SMC1A: variants seen among roughly 807,000 people sequenced by gnomAD.
The protein encoded by SMC1A is structural maintenance of chromosomes 1A.
In SMC1A, 4 loss-of-function variants were observed where a neutral mutation model predicts 94.5. The ratio of observed to expected loss-of-function variants is 0.04; its 90% CI spans 0.02 to 0.10. SMC1A has a LOEUF of 0.10. Ranked by LOEUF, SMC1A falls within the 10% of genes least tolerant of loss-of-function variation. The pLI is 1.00. For missense variants in SMC1A, 304 were observed against 989.0 expected (o/e 0.31, Z 9.29); for synonymous variants, 345 against 347.7 (o/e 0.99, Z 0.09).
At chrX:53,383,586 C>T (rs1248953607) in intron 19 of SMC1A, among the ~76,000 whole-genome samples, 3 of 112,604 alleles carry the variant, frequency 2.7e-5, no homozygotes. Context: ...CAGTACCAAC[C>T]CAGGGTGACC....
At chrX:53,383,354 T>C (rs782141641) in intron 19 of SMC1A, 101 bp from the exon 20 acceptor site, 2 of 812,569 alleles carry the variant, frequency 2.5e-6, no homozygotes, top group East Asian at 6.9e-5. Flanking sequence ...CGCCTGCTCC[T>C]ATACGGAGGG....
intron 12 of SMC1A, 41 bp downstream of exon 12, chrX:53,405,204 T>C (rs782472800): frequency 8.3e-7 from 1 of 1,211,937 alleles, no homozygotes; most frequent in South Asian, 1.8e-5. Flanking sequence ...GACCTAGGCT[T>C]AGGACTCCCA....
intron 18 of SMC1A, among the ~76,000 whole-genome samples, chrX:53,395,172 G>A (rs1478733838): frequency 9.0e-6 from 1 of 111,380 alleles, no homozygotes; most frequent in Non-Finnish European, 1.9e-5. Flanking sequence ...ATGAAACTCT[G>A]TCTCTACTAA....
intron 7 of SMC1A, among the ~76,000 whole-genome samples, chrX:53,410,734 G>A (rs1556890369): frequency 2.8e-5 from 3 of 106,767 alleles, no homozygotes; most frequent in African/African-American, 6.9e-5. Context: ...TTGGGAGACA[G>A]AGGTTGTAGT....
At chrX:53,404,645 C>T (rs2075684273) in intron 13 of SMC1A, among the ~76,000 whole-genome samples, 1 of 111,004 alleles carries the variant, frequency 9.0e-6, no homozygotes, top group East Asian at 2.8e-4. Flanking sequence ...AGGCGCCTGC[C>T]ACCACGCCCA....
At chrX:53,403,754 G>A (rs782078553) in intron 14 of SMC1A, 23 bp downstream of exon 14, 2 of 1,178,327 alleles carry the variant, frequency 1.7e-6, no homozygotes, top group South Asian at 1.8e-5. Flanking sequence ...CACACACGCT[G>A]GCATGGCCCA....
chrX:53,401,719 G>GTA (rs1262662765), intron 15 of SMC1A, among the ~76,000 whole-genome samples: 18 of 109,839 alleles, frequency 1.6e-4, no homozygotes, highest in African/African-American at 5.6e-4. Context: ...TTATATATGT[G>GTA]TATATATATA....
intron 19 of SMC1A, among the ~76,000 whole-genome samples, chrX:53,392,564 C>T (rs1602403713): frequency 9.0e-6 from 1 of 110,578 alleles, no homozygotes; most frequent in East Asian, 2.9e-4. Flanking sequence ...GATTCTGCCT[C>T]AGCCTTCTGA....
intron 19 of SMC1A, among the ~76,000 whole-genome samples, chrX:53,385,236 T>C (rs1235771647): frequency 9.3e-6 from 1 of 107,060 alleles, no homozygotes; most frequent in Non-Finnish European, 1.9e-5. Context: ...TACACTACTT[T>C]GGAGTGGTCT....
At chrX:53,400,362 C>G (rs1209171136) in intron 15 of SMC1A, among the ~76,000 whole-genome samples, 1 of 111,632 alleles carries the variant, frequency 9.0e-6, no homozygotes, top group Non-Finnish European at 1.9e-5. Flanking sequence ...GTCATTCAGG[C>G]AAGTTGGTTA....
intron 13 of SMC1A, among the ~76,000 whole-genome samples, chrX:53,404,310 AC>A (rs1556889327): frequency 9.1e-6 from 1 of 109,760 alleles, no homozygotes; most frequent in Non-Finnish European, 1.9e-5. Flanking sequence ...TATACCTAGA[AC>A]AGTCCCCCCC....
intron 19 of SMC1A, among the ~76,000 whole-genome samples, chrX:53,387,868 T>C (rs1442998715): frequency 9.0e-6 from 1 of 111,214 alleles, no homozygotes; most frequent in African/African-American, 3.3e-5. Flanking sequence ...CATAATGATA[T>C]GAGAACTCAG....
intron 19 of SMC1A, among the ~76,000 whole-genome samples, chrX:53,386,735 T>C (rs1374406503): frequency 9.0e-6 from 1 of 111,553 alleles, no homozygotes. Flanking sequence ...TTCCATAGGC[T>C]TGAAACATCT....
At chrX:53,384,570 A>C (rs1267455781) in intron 19 of SMC1A, among the ~76,000 whole-genome samples, 1 of 111,120 alleles carries the variant, frequency 9.0e-6, no homozygotes, top group Non-Finnish European at 1.9e-5. Context: ...GGCCAGGAAC[A>C]GACTTCTATG....
At chrX:53,386,866 T>A (rs782155334) in intron 19 of SMC1A, among the ~76,000 whole-genome samples, 4 of 112,425 alleles carry the variant, frequency 3.6e-5, no homozygotes, top group Non-Finnish European at 7.5e-5. Flanking sequence ...AGATAATTCT[T>A]TCAAATTACT....
chrX:53,407,776 T>C (rs781863834), intron 9 of SMC1A, among the ~76,000 whole-genome samples: 1 of 111,696 alleles, frequency 9.0e-6, no homozygotes, highest in East Asian at 2.8e-4. Context: ...CCCACACTTC[T>C]GGTGTCAGAA....
chrX:53,413,221 T>C lies in SMC1A; in HGVS notation c.615+11A>G. 1 of 1,211,721 alleles carries C rather than the reference T, an allele frequency of 8.3e-7. No homozygotes were observed. The highest frequency in any genetic ancestry group is 1.1e-6 in the Non-Finnish European group (1 of 895,438). On this transcript the variant is annotated intron_variant, in intron 4 of 24. Transcript: ENST00000322213. ...GGTCCCTCAGAGCCAAGAGGTAGCT[T>C]GGCCACCTACCTCTTCTTTCTCCTG... is the stretch of plus-strand genomic sequence containing the variant.
At chrX:53,400,698 G>A (rs1005386734) in intron 15 of SMC1A, among the ~76,000 whole-genome samples, 56 of 111,252 alleles carry the variant, frequency 5.0e-4, no homozygotes, top group African/African-American at 1.8e-3. Flanking sequence ...CATCTCTTCA[G>A]AAACTCAAGA....
rs782781158 is a variant in SMC1A at position 53,399,572 on chromosome X, A to C, written c.2562+17T>G. On this transcript the variant is annotated intron_variant, in intron 16 of 24. Coordinates refer to ENST00000322213, the MANE Select transcript of SMC1A (RefSeq NM_006306.4). ...CTCCCAGTTATTAGTCTGTCTTTTA[A>C]TTCTTTCCTTCCTTACCTTTTTGAG... 68 of 1,195,019 alleles carry C rather than the reference A, an allele frequency of 5.7e-5. No individual in the cohort carries two copies. Among genetic ancestry groups the C allele is most frequent in the Non-Finnish European group, 7.2e-5 (64 of 883,245 alleles).
Sources: gnomAD v4.1 joint callset for allele counts (sites outside exome capture counted in the v4.1 genomes callset) on GRCh38, gnomAD v4.1.1 for gene constraint, MANE v1.5 for transcripts, NCBI Gene and HGNC (gene_info 2026-07-23, HGNC 2026-07-21) for gene names.